The following AGRN variants were observed in gnomAD, a reference collection of about 807,000 sequenced individuals.
AGRN encodes agrin.
Under a neutral mutation model 211.0 loss-of-function variants are expected in AGRN, and 106 were observed. The ratio of observed to expected loss-of-function variants is 0.50; its 90% confidence interval spans 0.43 to 0.59. The LOEUF is 0.59. Among genes scored for constraint, AGRN ranks in the 20% least tolerant of loss-of-function variants. The probability of loss-of-function intolerance (pLI) is 0.00; values close to 1 mark genes in which losing one functional copy is unlikely to be tolerated. For missense variants in AGRN, 3,040 were observed against 2,982.6 expected (o/e 1.02, Z -0.45); for synonymous variants, 1,525 against 1,332.5 (o/e 1.14, Z -3.15).
chr1:1,042,577 T>C (rs1261653427), intron 7 of AGRN, among the ~76,000 whole-genome samples: 6 of 152,180 alleles, frequency 3.9e-5, no homozygotes, highest in Non-Finnish European at 8.8e-5. Context: ...GTGGCCGTCG[T>C]GTCCCGTCGT....
chr1:1,049,556 C>T lies in AGRN; in HGVS notation c.4515-10C>T, dbSNP rs2100677405. On this transcript the variant is annotated splice_polypyrimidine_tract_variant and intron_variant, in intron 25 of 35. Coordinates refer to ENST00000379370, the MANE Select transcript of AGRN (RefSeq NM_198576.4). ...CCTGAGCCCTGACCCGGTGTCCCTC[C>T]TGGTGGCAGGGCGCTGGAGCGGACC... 6.3e-7 allele frequency: 1 copy of T among 1,590,394 alleles called. No homozygotes were observed. The highest frequency in any genetic ancestry group is 8.5e-7 in the Non-Finnish European group (1 of 1,169,744).
In AGRN at chr1:1,049,416, C is replaced by A. The variant is rs757325737; in HGVS notation, c.4479C>A (p.Leu1493=). 6.3e-7 allele frequency: 1 copy of A among 1,599,112 alleles called. No homozygotes were observed. The highest frequency in any genetic ancestry group is 1.3e-5 in the African/African-American group (1 of 74,870). The change falls in exon 25 of 36, where the codon CTC becomes CTA. Residue 1493 remains leucine, a synonymous_variant. Coordinates refer to ENST00000379370, the MANE Select transcript of AGRN (RefSeq NM_198576.4). ...ACGGCCTCAACCTGGACACAGACCT[C>A]TTTGTGGGCGGCGTACCCGAGGACC... ...GTDGLNLDTD[L]FVGGVPEDQA... is the part of the protein sequence containing the mutation.
At position 1,054,918 on chromosome 1, in the gene AGRN, C is replaced by T; in HGVS notation, c.6075C>T (p.His2025=). The T allele has an allele frequency of 6.5e-7, 1 of 1,548,710 alleles. No individual in the cohort carries two copies. Among genetic ancestry groups the T allele is most frequent in the Non-Finnish European group, 8.7e-7 (1 of 1,147,186 alleles). The part of the protein sequence containing the change: ...GCLRDVVVGR[H]PLHLLEDAVT... Reference sequence around the variant, plus strand: ...TGCGGGACGTGGTGGTGGGCCGGCACCCGCTGCACCTGCTGGAGGACGCCG... The same window carrying T: ...TGCGGGACGTGGTGGTGGGCCGGCATCCGCTGCACCTGCTGGAGGACGCCG... The change falls in exon 36 of 36, where the codon CAC becomes CAT. Residue 2025 remains histidine (H), a synonymous_variant. Coordinates refer to ENST00000379370, the MANE Select transcript of AGRN (RefSeq NM_198576.4).
At chr1:1,046,125 G>A (rs758171740) in intron 16 of AGRN, 35 bp from the exon 17 acceptor site, 3 of 1,613,988 alleles carry the variant, frequency 1.9e-6, no homozygotes, top group Non-Finnish European at 2.5e-6. Flanking sequence ...GTGGGGAGGA[G>A]GCCTCGCCTT....
At position 1,048,808 on chromosome 1, in the gene AGRN, G is replaced by GATAAAA. The variant is rs1645179257; in HGVS notation, c.4106-58_4106-53dup. 4 of 1,448,052 alleles carry GATAAAA rather than the reference G, an allele frequency of 2.8e-6. No homozygotes were observed. Among genetic ancestry groups the GATAAAA allele is most frequent in the Non-Finnish European group, 2.8e-6 (3 of 1,090,002 alleles). The allele number at this position is 1,448,052 out of a possible 1,614,324, so 89.7% of individuals were successfully genotyped here. On this transcript the variant is annotated intron_variant, in intron 23 of 35. Transcript: ENST00000379370. This position sits in a 1 kb window ranked among gnomAD's most constrained non-coding sequence, Gnocchi z 5.9. ...AAAAAAAGCAGGGGGCGGTTTCAGG[G>GATAAAA]ATAAAAGTGGGGAATCCTCGGAGCT... is the stretch of plus-strand genomic sequence containing the variant.
chr1:1,050,383 T>G (rs1394288406), intron 28 of AGRN, 44 bp from the exon 29 acceptor site: 1 of 1,612,530 alleles, frequency 6.2e-7, no homozygotes, highest in South Asian at 1.1e-5. Context: ...GTCTCTCCTG[T>G]GGGGAGGGGA....
In AGRN at chr1:1,048,032, ACGGGGGCCACGTCAGGAGCCATTGCTG is replaced by A; in HGVS notation, c.3777_3803del (p.Ser1262_Thr1270del). ...GGCAGACTGGTTTCCTGCGTTTATC[ACGGGGGCCACGTCAGGAGCCATTGCTG>A]CGGGAGCCACGGCCAGAGCCACCAC... is the stretch of plus-strand genomic sequence containing the variant. On this transcript the variant is annotated inframe_deletion, in exon 23 of 36. Coordinates refer to ENST00000379370, the MANE Select transcript of AGRN (RefSeq NM_198576.4). The surrounding 1 kb of genome is among the most constrained non-coding windows in gnomAD (Gnocchi z 5.9). The A allele has an allele frequency of 6.3e-7, 1 of 1,583,950 alleles. No individual in the cohort carries two copies. The highest frequency in any genetic ancestry group is 8.5e-7 in the Non-Finnish European group (1 of 1,170,294).
intron 2 of AGRN, among the ~76,000 whole-genome samples, chr1:1,026,828 C>T (rs1027770744): frequency 3.9e-5 from 6 of 152,208 alleles, no homozygotes; most frequent in Admixed American, 2.0e-4. Flanking sequence ...AGATATCACC[C>T]CATGGACAGT....
chr1:1,025,682 G>A (rs994737984), intron 2 of AGRN, among the ~76,000 whole-genome samples: 7 of 152,086 alleles, frequency 4.6e-5, no homozygotes, highest in African/African-American at 1.7e-4. Flanking sequence ...TGGGCTCGAG[G>A]CTGCTGCCCC....
At position 1,043,264 on chromosome 1, in the gene AGRN, G is replaced by C; in HGVS notation, c.1410G>C (p.Gly470=). ...ACCAGGCCCCGTCCCCATGCCTCGG[G>C]GTGCAGTGTGCATTTGGGGCGACGT... ...PCDQAPSPCL[G]VQCAFGATCA... The change falls in exon 8 of 36, where the codon GGG becomes GGC. Residue 470 remains glycine (G), a synonymous_variant. Transcript: ENST00000379370. 1 of 1,610,476 alleles carries C rather than the reference G, an allele frequency of 6.2e-7. No homozygotes were observed. The highest frequency in any genetic ancestry group is 1.1e-5 in the South Asian group (1 of 90,250).
Position 1,048,418 on chromosome 1 carries a change from GATTGGGGGT to G in AGRN, c.4105+54_4105+62del. ...GGGGAGGCAGCAGGGTGGGGGCAAG[GATTGGGGGT>G]GGGGCTAAGCCACCATCAGGCTTTG... is the stretch of plus-strand genomic sequence containing the variant. On this transcript the variant is annotated intron_variant, in intron 23 of 35. Coordinates refer to ENST00000379370, the MANE Select transcript of AGRN (RefSeq NM_198576.4). This position sits in a 1 kb window ranked among gnomAD's most constrained non-coding sequence, Gnocchi z 5.9. 4.1e-6 allele frequency: 4 copies of G among 975,428 alleles called. No homozygotes were observed. The highest frequency in any genetic ancestry group is 5.9e-6 in the Non-Finnish European group (4 of 675,154). The allele number at this position is 975,428 out of a possible 1,614,324, so 60.4% of individuals were successfully genotyped here. A position where few individuals can be genotyped will look rare whatever the true frequency, so the allele number is the denominator to read the frequency against.
At position 1,033,397 on chromosome 1, in the gene AGRN, C is replaced by A. The variant is rs549704644; in HGVS notation, c.464-1880C>A. On this transcript the variant is annotated intron_variant, in intron 2 of 35. Coordinates refer to ENST00000379370, the MANE Select transcript of AGRN (RefSeq NM_198576.4). ...GACGCGCACACGCGGTCGCACGCGG[C>A]CCCCCGAGCCCCCTGCGGCGACTCC... is the stretch of plus-strand genomic sequence containing the variant. Among the ~76,000 whole-genome samples the A allele has an allele frequency of 2.6e-5, 4 of 151,730 alleles. No homozygotes were observed. The South Asian group carries it at 8.3e-4, about 31-fold the overall frequency.
rs141694897 is a variant in AGRN, at chr1:1,042,083, G to T, written c.1305G>T (p.Thr435=). 1 of 1,605,198 alleles carries T rather than the reference G, an allele frequency of 6.2e-7. No individual in the cohort carries two copies. The highest frequency in any genetic ancestry group is 1.3e-5 in the African/African-American group (1 of 75,010). ...YRPVCAQDGR[T]YDSDCWRQQA... ...CCGTGTGTGCCCAGGACGGGCGCAC[G>T]TATGACAGTGATTGCTGGCGGCAGC... is the stretch of plus-strand genomic sequence containing the variant. Residue 435 remains threonine (T), a synonymous_variant, in exon 7 of 36, where the codon ACG becomes ACT. Transcript: ENST00000379370.
chr1:1,041,280 G>T lies in AGRN; in HGVS notation c.835G>T (p.Ala279Ser). Reference protein sequence around the residue: ...SCLCPATCRGAPEGTVCGSDG... With the variant: ...SCLCPATCRGSPEGTVCGSDG... ...CCTGTGCCCCGCGACCTGCCGTGGC[G>T]CCCCCGAGGGGACCGTCTGCGGCAG... The change falls in exon 5 of 36, where the codon GCC becomes TCC. Residue 279 changes from alanine to serine, a missense_variant. This residue lies in a region of AGRN where 1,498 missense variants were observed against 1,457.8 expected (regional missense o/e 1.03). Transcript: ENST00000379370. 1 of 1,509,022 alleles carries T rather than the reference G, an allele frequency of 6.6e-7. No individual in the cohort carries two copies. The highest frequency in any genetic ancestry group is 1.2e-5 in the South Asian group (1 of 81,776). The allele number at this position is 1,509,022 out of a possible 1,614,324, so 93.5% of individuals were successfully genotyped here.
intron 34 of AGRN, among the ~76,000 whole-genome samples, chr1:1,054,198 C>A (rs1645390509): frequency 6.6e-6 from 1 of 152,210 alleles, no homozygotes; most frequent in Admixed American, 6.5e-5. Context: ...CCGGAGCCTG[C>A]CGGGGGTCGC....
In AGRN at chr1:1,042,156, C is replaced by G; in HGVS notation, c.1378C>G (p.Pro460Ala). ...TGCCATCCCCAGCAAGCACCAGGGC[C>G]CGTGTGGTGAGCGCCCCGGGGTGGA... ...QRAIPSKHQG[P>A]CDQAPSPCLG... is the part of the protein sequence containing the mutation. Residue 460 changes from proline to alanine, a missense_variant, in exon 7 of 36, where the codon CCG becomes GCG. Pro to Ala is a conservative substitution (Grantham distance 27). Transcript: ENST00000379370. The G allele has an allele frequency of 1.3e-6, 2 of 1,595,118 alleles. No homozygotes were observed. Among genetic ancestry groups the G allele is most frequent in the Admixed American group, 3.3e-5 (2 of 59,754 alleles).
At chr1:1,020,825 G>T (rs1404814040) in intron 1 of AGRN, among the ~76,000 whole-genome samples, 1 of 150,838 alleles carries the variant, frequency 6.6e-6, no homozygotes, top group Non-Finnish European at 1.5e-5. Flanking sequence ...CCGGGAGCCA[G>T]GTGGGGGGTG....
At chr1:1,050,695 A>G in intron 29 of AGRN, 31 bp from the exon 30 acceptor site, 3 of 1,601,402 alleles carry the variant, frequency 1.9e-6, no homozygotes, top group South Asian at 2.2e-5. Context: ...GGTGGTGGAC[A>G]GAGCCCACTC....
At position 1,046,239 on chromosome 1, in the gene AGRN, C is replaced by T. The variant is rs1267735689; in HGVS notation, c.2885C>T (p.Ser962Phe). Residue 962 changes from serine to phenylalanine, a missense_variant, in exon 17 of 36, where the codon TCT (serine) becomes TTT (phenylalanine). This residue lies in a region of AGRN where 1,498 missense variants were observed against 1,457.8 expected (regional missense o/e 1.03). Transcript: ENST00000379370. ...TIACRQGLQI[S>F]IQSLGPCQEA... Reference sequence around the variant, plus strand: ...GCCTGCCGCCAGGGCCTGCAAATCTCTATCCAGAGCCTGGGCCCGTGCCAG... The same window carrying T: ...GCCTGCCGCCAGGGCCTGCAAATCTTTATCCAGAGCCTGGGCCCGTGCCAG... 14 of 1,613,492 alleles carry T rather than the reference C, an allele frequency of 8.7e-6. No homozygotes were observed. Among genetic ancestry groups the T allele is most frequent in the African/African-American group, 1.3e-5 (1 of 74,916 alleles).
Sources: gnomAD v4.1 joint callset for allele counts (sites outside exome capture counted in the v4.1 genomes callset) on GRCh38, gnomAD v4.1.1 for gene constraint, gnomAD v4.1.1 regional missense constraint, Gnocchi (gnomAD v3.1) non-coding constraint, MANE v1.5 for transcripts, NCBI Gene and HGNC (gene_info 2026-07-23, HGNC 2026-07-21) for gene names.